Variants in FMN1 observed in about 807,000 individuals in gnomAD.
The protein encoded by FMN1 is formin-1.
Under a neutral mutation model 132.4 loss-of-function variants are expected in FMN1, and 110 were observed. The ratio of observed to expected loss-of-function variants is 0.83; its 90% CI spans 0.71 to 0.97. The LOEUF (loss-of-function observed/expected upper bound fraction) is 0.97, where lower values mean the gene tolerates loss of function less well. Ranked by LOEUF, FMN1 falls within the 50% of genes least tolerant of loss-of-function variation. The pLI is 0.00. For synonymous variants in FMN1, 722 were observed against 651.7 expected, an observed-to-expected ratio of 1.11 and a Z score of -1.64; for missense variants, 1,792 against 1,705.3, an observed-to-expected ratio of 1.05 and a Z score of -0.90.
At chr15:32,795,171 G>C (rs1448395421) in intron 19 of FMN1, among the ~76,000 whole-genome samples, 2 of 152,204 alleles carry the variant, frequency 1.3e-5, no homozygotes, top group Non-Finnish European at 2.9e-5. Context: ...TGGCACTCTA[G>C]CCTGAATGAC....
chr15:32,996,309 G>C (rs1190692332), intron 7 of FMN1, among the ~76,000 whole-genome samples: 2 of 152,176 alleles, frequency 1.3e-5, no homozygotes, highest in Non-Finnish European at 2.9e-5. Context: ...TTACACACCT[G>C]TTTTTCTATC....
rs763179883 is a variant in FMN1 at position 33,153,901 on chromosome 15, G to C, written c.1014C>G (p.Ser338=). ...GCGTTTTAACTACTCTTTGTACCTGGGAGGACAGGTCCTGAACTTTGGCCA... is the reference window on the plus strand; with the variant it reads ...GCGTTTTAACTACTCTTTGTACCTGCGAGGACAGGTCCTGAACTTTGGCCA... ...KVVAKVQDLS[S]QVQRVVKTHS... Residue 338 remains serine, a synonymous_variant, in exon 4 of 21, where the codon TCC becomes TCG. Transcript: ENST00000616417. 1.0e-4 allele frequency: 154 copies of C among 1,536,618 alleles called. No individual in the cohort carries two copies. The highest frequency in any genetic ancestry group is 1.3e-4 in the Non-Finnish European group (153 of 1,147,068).
chr15:32,936,379 A>G (rs1020711082), intron 9 of FMN1, among the ~76,000 whole-genome samples: 2 of 152,144 alleles, frequency 1.3e-5, no homozygotes, highest in African/African-American at 4.8e-5. Context: ...CAGCCCAGCT[A>G]GTGTCTCTGG....
At chr15:32,877,242 G>A (rs1348627514) in intron 16 of FMN1, among the ~76,000 whole-genome samples, 2 of 151,448 alleles carry the variant, frequency 1.3e-5, no homozygotes, top group Admixed American at 6.6e-5. Context: ...AGCCGAGATT[G>A]TGCCACTGCA....
At chr15:33,115,885 C>T (rs1480068302) in intron 4 of FMN1, among the ~76,000 whole-genome samples, 2 of 152,148 alleles carry the variant, frequency 1.3e-5, no homozygotes, top group Admixed American at 6.5e-5. Context: ...TCTCCACCAC[C>T]TTTACTCCAA....
At chr15:32,979,384 T>C (rs962107511) in intron 7 of FMN1, among the ~76,000 whole-genome samples, 1 of 151,666 alleles carries the variant, frequency 6.6e-6, no homozygotes, top group Non-Finnish European at 1.5e-5. Context: ...TGAAACCCCG[T>C]CTCTACTAAA....
At chr15:33,032,079 C>T (rs17816693) in intron 6 of FMN1, among the ~76,000 whole-genome samples, 21,038 of 152,224 alleles carry the variant, frequency 0.14, 1,658 homozygotes, top group Middle Eastern at 0.22. Flanking sequence ...ATGTGTTCTA[C>T]GAACCAGGAA....
chr15:33,014,684 C>G (rs931840002), intron 6 of FMN1, among the ~76,000 whole-genome samples: 2 of 152,148 alleles, frequency 1.3e-5, no homozygotes, highest in African/African-American at 2.4e-5. Context: ...ATAAAGCTTT[C>G]TTAGTCTAGT....
At chr15:32,839,208 G>A (rs917696043) in intron 17 of FMN1, among the ~76,000 whole-genome samples, 3 of 152,110 alleles carry the variant, frequency 2.0e-5, no homozygotes, top group Non-Finnish European at 4.4e-5. Flanking sequence ...CGGGTCTACC[G>A]CTTTCTGCAC....
intron 5 of FMN1, among the ~76,000 whole-genome samples, chr15:33,070,060 G>A (rs186438242): frequency 1.1e-4 from 15 of 133,576 alleles, no homozygotes; most frequent in South Asian, 2.5e-4. Context: ...GGCTGGAGTG[G>A]AATGGTGCAA....
chr15:33,132,344 T>C (rs551758668), intron 4 of FMN1, among the ~76,000 whole-genome samples: 2 of 152,290 alleles, frequency 1.3e-5, no homozygotes, highest in South Asian at 4.1e-4. Context: ...ACTACTGTAG[T>C]CTATCACTTT....
chr15:32,803,237 TCTAC>T (rs1407458656), intron 18 of FMN1, among the ~76,000 whole-genome samples: 1 of 152,240 alleles, frequency 6.6e-6, no homozygotes, highest in Non-Finnish European at 1.5e-5. Flanking sequence ...GTCTCCTACC[TCTAC>T]CTGTCATCTA....
intron 17 of FMN1, among the ~76,000 whole-genome samples, chr15:32,854,079 A>G (rs1379437474): frequency 6.6e-6 from 1 of 152,258 alleles, no homozygotes; most frequent in African/African-American, 2.4e-5. Flanking sequence ...GGTTATTAAC[A>G]TATTTATTAA....
intron 6 of FMN1, among the ~76,000 whole-genome samples, chr15:33,011,278 T>C (rs150275495): frequency 2.2e-3 from 332 of 152,268 alleles, no homozygotes; most frequent in African/African-American, 7.5e-3. Context: ...TGATATATGA[T>C]AGAAATAGCA....
intron 9 of FMN1, among the ~76,000 whole-genome samples, chr15:32,937,474 C>G (rs779959705): frequency 3.9e-5 from 6 of 152,230 alleles, no homozygotes; most frequent in Non-Finnish European, 7.3e-5. Flanking sequence ...ACAAAGGGAA[C>G]TGGCCCGTGT....
intron 6 of FMN1, among the ~76,000 whole-genome samples, chr15:33,026,636 G>C (rs2035690840): frequency 6.6e-6 from 1 of 152,158 alleles, no homozygotes; most frequent in Admixed American, 6.5e-5. Flanking sequence ...AATGGTAGAA[G>C]AATCTCTGTC....
intron 10 of FMN1, among the ~76,000 whole-genome samples, chr15:32,911,088 C>T (rs2060550432): frequency 6.6e-6 from 1 of 152,210 alleles, no homozygotes; most frequent in African/African-American, 2.4e-5. Context: ...ATGGAAACCT[C>T]CCATGAGCCA....
At chr15:32,859,443 T>A (rs576823866) in intron 16 of FMN1, among the ~76,000 whole-genome samples, 7 of 152,342 alleles carry the variant, frequency 4.6e-5, no homozygotes, top group African/African-American at 1.7e-4. Context: ...GTTCCATGTC[T>A]TCATTCATGT....
At chr15:32,992,505 A>AT (rs1008410847) in intron 7 of FMN1, among the ~76,000 whole-genome samples, 1 of 152,192 alleles carries the variant, frequency 6.6e-6, no homozygotes, top group African/African-American at 2.4e-5. Context: ...AAGATGCCCA[A>AT]TTTATTCATC....
Sources: allele counts gnomAD v4.1 joint callset (sites outside exome capture counted in the v4.1 genomes callset), GRCh38; gene constraint gnomAD v4.1.1; transcripts MANE v1.5; gene names NCBI Gene and HGNC (gene_info 2026-07-23, HGNC 2026-07-21).